DLGAP2: variants seen among roughly 807,000 people sequenced by gnomAD.
The protein encoded by DLGAP2 is disks large-associated protein 2.
Under a neutral mutation model 100.3 loss-of-function variants are expected in DLGAP2, and 26 were observed. That is an observed-to-expected ratio of 0.26 (90% confidence interval 0.19 to 0.36). DLGAP2 has a LOEUF of 0.36. DLGAP2 is among the 10% of genes least tolerant of loss of function. The probability of loss-of-function intolerance (pLI) is 1.00; values close to 1 mark genes in which losing one functional copy is unlikely to be tolerated. For synonymous variants in DLGAP2, 886 were observed against 630.1 expected (o/e 1.41, Z -6.08); for missense variants, 1,858 against 1,453.2 (o/e 1.28, Z -4.53).
chr8:1,154,659 C>G (rs1018305838), intron 2 of DLGAP2, among the ~76,000 whole-genome samples: 1 of 152,178 alleles, frequency 6.6e-6, no homozygotes, highest in Non-Finnish European at 1.5e-5. Context: ...TACACTGCCA[C>G]GGAAGAGGCC....
intron 2 of DLGAP2, among the ~76,000 whole-genome samples, chr8:933,106 A>T (rs1383522559): frequency 6.6e-6 from 1 of 152,220 alleles, no homozygotes; most frequent in African/African-American, 2.4e-5. Flanking sequence ...TTCCTGCAGA[A>T]CCCTGCACAG....
In DLGAP2 at chr8:776,137, T is replaced by A. The variant is rs1437019814; in HGVS notation, c.18+38312T>A. On this transcript the variant is annotated intron_variant, in intron 1 of 14. Transcript: ENST00000637795. ...TTCTAGATTTTCTAGTTTATTTGCATAGAGGTGTTTGTAGTATTCTCTGAT... is the reference window on the plus strand; with the variant it reads ...TTCTAGATTTTCTAGTTTATTTGCAAAGAGGTGTTTGTAGTATTCTCTGAT... Among the ~76,000 whole-genome samples the A allele has an allele frequency of 2.6e-5, 4 of 151,044 alleles. No homozygotes were observed. In the East Asian group the frequency reaches 7.8e-4, roughly 29 times the overall value.
intron 3 of DLGAP2, among the ~76,000 whole-genome samples, chr8:1,292,782 A>G (rs1270516096): frequency 4.0e-5 from 6 of 151,396 alleles, no homozygotes; most frequent in Non-Finnish European, 7.4e-5. Flanking sequence ...CTTTCCACTC[A>G]TGTCACCCCT....
chr8:767,039 C>T (rs978108279), intron 1 of DLGAP2, among the ~76,000 whole-genome samples: 42 of 152,142 alleles, frequency 2.8e-4, no homozygotes, highest in African/African-American at 8.4e-4. Flanking sequence ...TTCTGGATGA[C>T]GAAGATCCTC....
chr8:1,171,977 C>A (rs1211608629), intron 2 of DLGAP2, among the ~76,000 whole-genome samples: 1 of 152,138 alleles, frequency 6.6e-6, no homozygotes, highest in African/African-American at 2.4e-5. Flanking sequence ...TCTTCCTAGT[C>A]TGGATGGTCT....
intron 3 of DLGAP2, among the ~76,000 whole-genome samples, chr8:1,491,760 A>G (rs922573630): frequency 8.5e-5 from 13 of 152,250 alleles, no homozygotes; most frequent in African/African-American, 3.1e-4. Flanking sequence ...TAAATAAGAA[A>G]TAGTGTGCCT....
intron 2 of DLGAP2, among the ~76,000 whole-genome samples, chr8:1,031,622 G>T (rs1475214224): frequency 1.3e-5 from 2 of 152,048 alleles, no homozygotes; most frequent in Admixed American, 1.3e-4. Flanking sequence ...TGTTGCCCAA[G>T]CCGGTTGTGA....
chr8:1,033,174 G>C (rs1802021504), intron 2 of DLGAP2, among the ~76,000 whole-genome samples: 1 of 151,718 alleles, frequency 6.6e-6, no homozygotes, highest in Admixed American at 6.6e-5. Flanking sequence ...ACAGATGCAT[G>C]CTGTGACTGA....
chr8:1,189,121 C>A (rs1176313843), intron 2 of DLGAP2, among the ~76,000 whole-genome samples: 1 of 141,738 alleles, frequency 7.1e-6, no homozygotes, highest in Non-Finnish European at 1.5e-5. Flanking sequence ...GGGTTCGGGC[C>A]CCATGGCGGT....
At chr8:1,594,603 C>G (rs1369574490) in intron 6 of DLGAP2, among the ~76,000 whole-genome samples, 2 of 151,942 alleles carry the variant, frequency 1.3e-5, no homozygotes, top group Non-Finnish European at 2.9e-5. Flanking sequence ...CGGGAAATCA[C>G]CAAACAGATG....
intron 2 of DLGAP2, chr8:1,002,616 G>T (rs953788713): frequency 1.3e-5 from 2 of 152,250 alleles, no homozygotes; most frequent in African/African-American, 2.4e-5. Context: ...TGGACACTGA[G>T]TGGACGCCCT....
intron 2 of DLGAP2, among the ~76,000 whole-genome samples, chr8:1,188,552 C>CCGGGATCTCCGTGATGTTTCCCTCA (rs1797565994): frequency 6.6e-6 from 1 of 151,232 alleles, no homozygotes; most frequent in African/African-American, 2.4e-5. Flanking sequence ...TCTCAGACGC[C>CCGGGATCTCCGTGATGTTTCCCTCA]CGGGATCTCC....
At chr8:1,380,678 G>A (rs2129761922) in intron 3 of DLGAP2, among the ~76,000 whole-genome samples, 1 of 152,156 alleles carries the variant, frequency 6.6e-6, no homozygotes, top group Non-Finnish European at 1.5e-5. Flanking sequence ...TGTTCACTGG[G>A]GACTCTCTGT....
At chr8:957,577 C>T (rs1044939062) in intron 2 of DLGAP2, among the ~76,000 whole-genome samples, 2 of 152,176 alleles carry the variant, frequency 1.3e-5, no homozygotes, top group African/African-American at 4.8e-5. Context: ...CATCTTTGTG[C>T]TCCTGTCATT....
intron 2 of DLGAP2, among the ~76,000 whole-genome samples, chr8:1,106,911 C>T (rs1208739107): frequency 1.3e-5 from 2 of 152,174 alleles, no homozygotes; most frequent in Non-Finnish European, 2.9e-5. Flanking sequence ...GGATAAGACT[C>T]TAAGGGTTCT....
intron 2 of DLGAP2, among the ~76,000 whole-genome samples, chr8:941,601 A>G (rs1042395543): frequency 1.3e-5 from 2 of 152,284 alleles, no homozygotes; most frequent in Admixed American, 1.3e-4. Flanking sequence ...AGCAGCTCTC[A>G]TCGTTCTGGA....
chr8:781,458 C>G (rs1412680498), intron 1 of DLGAP2, among the ~76,000 whole-genome samples: 2 of 151,810 alleles, frequency 1.3e-5, no homozygotes, highest in African/African-American at 2.4e-5. Flanking sequence ...AAAATGCAAA[C>G]CTGAATGCAA....
At chr8:1,513,167 G>A (rs1224253874) in intron 4 of DLGAP2, among the ~76,000 whole-genome samples, 1 of 136,186 alleles carries the variant, frequency 7.3e-6, no homozygotes, top group Non-Finnish European at 1.6e-5. Context: ...CCCAGTGCAA[G>A]GGAGGACGGA....
At chr8:1,107,398 C>T (rs543690287) in intron 2 of DLGAP2, among the ~76,000 whole-genome samples, 2 of 152,334 alleles carry the variant, frequency 1.3e-5, no homozygotes, top group African/African-American at 2.4e-5. Flanking sequence ...TCCACTCACA[C>T]AGAGGTCAGC....
Sources: allele counts gnomAD v4.1 joint callset (sites outside exome capture counted in the v4.1 genomes callset), GRCh38; gene constraint gnomAD v4.1.1; transcripts MANE v1.5; gene names NCBI Gene and HGNC (gene_info 2026-07-23, HGNC 2026-07-21).